PRR16: variants seen among roughly 807,000 people sequenced by gnomAD.
The protein encoded by PRR16 is proline rich 16, also known as protein Largen.
In PRR16, 6 loss-of-function variants were observed where a neutral mutation model predicts 18.2. The ratio of observed to expected loss-of-function variants is 0.33; its 90% CI spans 0.18 to 0.65. PRR16 has a LOEUF of 0.65. Ranked by LOEUF, PRR16 falls within the 30% of genes least tolerant of loss-of-function variation. The probability of loss-of-function intolerance (pLI) is 0.74; values close to 1 mark genes in which losing one functional copy is unlikely to be tolerated. For synonymous variants in PRR16, 151 were observed against 147.8 expected (o/e 1.02, Z -0.16); for missense variants, 412 against 376.6 (o/e 1.09, Z -0.78).
chr5:120,633,738 ACCT>A (rs1755136291), intron 1 of PRR16, among the ~76,000 whole-genome samples: 1 of 147,588 alleles, frequency 6.8e-6, no homozygotes, highest in Non-Finnish European at 1.5e-5. Flanking sequence ...TTACTACTAG[ACCT>A]AAGAAATGAG....
rs114088525 is a variant in PRR16, at chr5:120,673,359, A to G, written c.160-12595A>G. 4.5e-3 allele frequency among the ~76,000 whole-genome samples: 679 copies of G among 152,356 alleles called. 5 individuals are homozygous for G. Among genetic ancestry groups the G allele is most frequent in the African/African-American group, 0.015 (637 of 41,580 alleles). ...TTTCAAGTGCAGCTCACAAATGCTT[A>G]TGGTTGTATGACAAAATGAATTAAA... On this transcript the variant is annotated intron_variant, in intron 1 of 1. Coordinates refer to ENST00000407149, the MANE Select transcript of PRR16 (RefSeq NM_001300783.2).
the PRR16 span, among the ~76,000 whole-genome samples, chr5:120,741,722 C>T: frequency 6.6e-6 from 1 of 152,094 alleles, no homozygotes; most frequent in Non-Finnish European, 1.5e-5. Flanking sequence ...CTGTCTCAGC[C>T]TCCGAGTAGC....
intron 1 of PRR16, among the ~76,000 whole-genome samples, chr5:120,503,733 C>T (rs1236393530): frequency 1.3e-5 from 2 of 151,006 alleles, no homozygotes; most frequent in African/African-American, 4.9e-5. Flanking sequence ...TGGTGTGCTG[C>T]ACCCATTAAC....
intron 1 of PRR16, among the ~76,000 whole-genome samples, chr5:120,587,399 G>C (rs767641096): frequency 6.6e-6 from 1 of 152,170 alleles, no homozygotes; most frequent in Non-Finnish European, 1.5e-5. Flanking sequence ...TAGCTGGAGA[G>C]AAGTCAGTGC....
rs547104810 is a variant in PRR16 at position 120,605,920 on chromosome 5, C to A, written c.160-80034C>A. On this transcript the variant is annotated intron_variant, in intron 1 of 1. Coordinates refer to ENST00000407149, the MANE Select transcript of PRR16 (RefSeq NM_001300783.2). ...CCATGCATTCACAGTCCATTGGCAACAACACTCCAATGGGGCTGCCAGCAA... is the reference window on the plus strand; with the variant it reads ...CCATGCATTCACAGTCCATTGGCAAAAACACTCCAATGGGGCTGCCAGCAA... Among the ~76,000 whole-genome samples the A allele has an allele frequency of 6.6e-5, 10 of 152,264 alleles. No homozygotes were observed. In the South Asian group the frequency reaches 2.1e-3, roughly 32 times the overall value.
At chr5:120,673,967 A>AC (rs1756705696) in intron 1 of PRR16, among the ~76,000 whole-genome samples, 2 of 150,536 alleles carry the variant, frequency 1.3e-5, no homozygotes, top group African/African-American at 4.9e-5. Flanking sequence ...GAAAAAAAAA[A>AC]AACCTACTAA....
In PRR16 at chr5:120,565,378, T is replaced by G. The variant is rs1752706029; in HGVS notation, c.159+100733T>G. On this transcript the variant is annotated intron_variant, in intron 1 of 1. Transcript: ENST00000407149. ...TATAGAAAGTGGTAAGTTGGTGTAGTTACACATGTCATTGAGATGAGATGA... is the reference window on the plus strand; with the variant it reads ...TATAGAAAGTGGTAAGTTGGTGTAGGTACACATGTCATTGAGATGAGATGA... Among the ~76,000 whole-genome samples, 3 of 152,296 alleles carry G rather than the reference T, an allele frequency of 2.0e-5. No homozygotes were observed. The South Asian group carries it at 6.2e-4, about 32-fold the overall frequency.
At chr5:120,736,633 A>C in the PRR16 span, among the ~76,000 whole-genome samples, 1 of 137,666 alleles carries the variant, frequency 7.3e-6, no homozygotes, top group Non-Finnish European at 1.5e-5. Flanking sequence ...AAAAACTGTC[A>C]TTGGGATTTT....
chr5:120,693,429 G>A, the PRR16 span, among the ~76,000 whole-genome samples: 5,349 of 152,290 alleles, frequency 0.035, 131 homozygotes, highest in Non-Finnish European at 0.05. Context: ...AAGGCAATGG[G>A]ACTACAAGCT....
At chr5:120,585,687 A>G (rs925757586) in intron 1 of PRR16, among the ~76,000 whole-genome samples, 1 of 150,718 alleles carries the variant, frequency 6.6e-6, no homozygotes, top group Non-Finnish European at 1.5e-5. Context: ...ATGTAGCTTA[A>G]TTTTTTTTGT....
intron 1 of PRR16, among the ~76,000 whole-genome samples, chr5:120,502,598 C>T (rs1476346126): frequency 6.6e-6 from 1 of 152,060 alleles, no homozygotes; most frequent in Non-Finnish European, 1.5e-5. Context: ...AATGCAAGGC[C>T]ATCTACTGTG....
intron 1 of PRR16, among the ~76,000 whole-genome samples, chr5:120,672,238 C>CTA (rs1554094155): frequency 7.4e-6 from 1 of 135,004 alleles, no homozygotes; most frequent in African/African-American, 2.8e-5. Flanking sequence ...GGTGAGGGGT[C>CTA]TGTGTGTGTG....
At chr5:120,785,937 T>TAGC in the PRR16 span, among the ~76,000 whole-genome samples, 1 of 151,820 alleles carries the variant, frequency 6.6e-6, no homozygotes, top group Non-Finnish European at 1.5e-5. Context: ...TGTTTTTCTT[T>TAGC]TTATTCTTCC....
the PRR16 span, among the ~76,000 whole-genome samples, chr5:120,711,424 G>A: frequency 1.3e-5 from 2 of 152,124 alleles, no homozygotes; most frequent in Non-Finnish European, 2.9e-5. Context: ...CTGAATAAAG[G>A]AATGAAAACA....
intron 1 of PRR16, among the ~76,000 whole-genome samples, chr5:120,664,405 A>C (rs1756287998): frequency 6.6e-6 from 1 of 152,046 alleles, no homozygotes; most frequent in African/African-American, 2.4e-5. Context: ...CCATATGAGC[A>C]GATCTTGTTA....
chr5:120,499,559 T>G (rs1217801024), intron 1 of PRR16, among the ~76,000 whole-genome samples: 1 of 152,176 alleles, frequency 6.6e-6, no homozygotes, highest in African/African-American at 2.4e-5. Context: ...CCTGGGGTTT[T>G]AATTTTGATT....
chr5:120,772,829 C>A, the PRR16 span, among the ~76,000 whole-genome samples: 4 of 152,230 alleles, frequency 2.6e-5, no homozygotes, highest in Admixed American at 6.5e-5. Flanking sequence ...AACCCTGAGG[C>A]TGTTCAGTCC....
At chr5:120,741,420 A>G in the PRR16 span, among the ~76,000 whole-genome samples, 2 of 152,058 alleles carry the variant, frequency 1.3e-5, no homozygotes, top group Non-Finnish European at 2.9e-5. Flanking sequence ...AAACAAGGAA[A>G]GTTTTATTTC....
the PRR16 span, among the ~76,000 whole-genome samples, chr5:120,775,628 TCTC>T: frequency 2.7e-5 from 4 of 150,934 alleles, no homozygotes; most frequent in Non-Finnish European, 4.4e-5. Flanking sequence ...TCTTTTTCTT[TCTC>T]CTTTTTTTTT....
Sources: allele counts gnomAD v4.1 joint callset (sites outside exome capture counted in the v4.1 genomes callset), GRCh38; gene constraint gnomAD v4.1.1; transcripts MANE v1.5; gene names NCBI Gene and HGNC (gene_info 2026-07-23, HGNC 2026-07-21).